Variants in LPXN observed in about 807,000 individuals in gnomAD.
LPXN encodes the protein leupaxin.
In LPXN, 28 loss-of-function variants were observed where a neutral mutation model predicts 45.6. The observed-to-expected ratio is 0.61, with a 90% CI of 0.45 to 0.84. The LOEUF is 0.84. LPXN is among the 40% of genes least tolerant of loss of function. The pLI is 0.00. For missense variants in LPXN, 459 were observed against 475.0 expected (o/e 0.97, Z 0.31); for synonymous variants, 166 against 169.9 (o/e 0.98, Z 0.18).
chr11:58,539,785 G>A (rs1241197913), intron 7 of LPXN, among the ~76,000 whole-genome samples: 1 of 152,004 alleles, frequency 6.6e-6, no homozygotes, highest in Admixed American at 6.6e-5. Flanking sequence ...CACCTTTCCT[G>A]TATGAGATAT....
At chr11:58,561,703 A>C (rs1854383535) in intron 3 of LPXN, among the ~76,000 whole-genome samples, 1 of 152,242 alleles carries the variant, frequency 6.6e-6, no homozygotes, top group South Asian at 2.1e-4. Context: ...ATTCCTAAAA[A>C]ACCTTCCAAT....
chr11:58,567,119 T>C (rs751492251), intron 2 of LPXN, among the ~76,000 whole-genome samples: 2 of 152,210 alleles, frequency 1.3e-5, no homozygotes, highest in Non-Finnish European at 2.9e-5. Context: ...ACAAATTTTG[T>C]GCACATTACA....
intron 3 of LPXN, among the ~76,000 whole-genome samples, chr11:58,562,466 ACT>A (rs1310724993): frequency 6.6e-6 from 1 of 151,942 alleles, no homozygotes; most frequent in Non-Finnish European, 1.5e-5. Context: ...ATTTTATGTC[ACT>A]CTCCCACAGA....
At chr11:58,527,825 A>T in intron 8 of LPXN, 102 bp from the exon 9 acceptor site, 1 of 1,239,412 alleles carries the variant, frequency 8.1e-7, no homozygotes, top group Non-Finnish European at 1.1e-6. Context: ...GTTACCTGCC[A>T]GCTACAGGAA....
intron 7 of LPXN, among the ~76,000 whole-genome samples, chr11:58,531,650 G>A (rs912754598): frequency 2.0e-5 from 3 of 152,204 alleles, no homozygotes; most frequent in Non-Finnish European, 2.9e-5. Context: ...TATTATCCAG[G>A]AGAACTTCCT....
chr11:58,559,711 A>G (rs765407032), intron 3 of LPXN, among the ~76,000 whole-genome samples: 13 of 152,118 alleles, frequency 8.5e-5, no homozygotes, highest in Non-Finnish European at 1.9e-4. Context: ...CTCCATCTCT[A>G]TGAAAATTTT....
intron 2 of LPXN, among the ~76,000 whole-genome samples, chr11:58,565,175 G>A (rs949900494): frequency 6.6e-6 from 1 of 152,156 alleles, no homozygotes; most frequent in Non-Finnish European, 1.5e-5. Flanking sequence ...GGTGGCTCAT[G>A]CCCGTAATCC....
At chr11:58,558,344 C>T (rs1854271216) in intron 3 of LPXN, among the ~76,000 whole-genome samples, 1 of 151,488 alleles carries the variant, frequency 6.6e-6, no homozygotes, top group African/African-American at 2.4e-5. Context: ...TTAAGACCAG[C>T]CTGGGCAACA....
At position 58,554,944 on chromosome 11, in the gene LPXN, T is replaced by C. The variant is rs781606856; in HGVS notation, c.219-4A>G. On this transcript the variant is annotated splice_polypyrimidine_tract_variant and splice_region_variant and intron_variant, in intron 3 of 8. Coordinates refer to ENST00000395074, the MANE Select transcript of LPXN (RefSeq NM_004811.3). ...TTCCTTTGGCTCTTGGGCTTCACTA[T>C]AGAGGGAAAACAAAAAAGTCATATG... The C allele has an allele frequency of 3.1e-6, 5 of 1,602,484 alleles. No individual in the cohort carries two copies. Among genetic ancestry groups the C allele is most frequent in the East Asian group, 2.2e-5 (1 of 44,812 alleles).
Position 58,569,205 on chromosome 11 carries a change from A to G in LPXN, c.171+1351T>C, listed in dbSNP as rs140481973. On this transcript the variant is annotated intron_variant, in intron 2 of 8. Transcript: ENST00000395074. Reference sequence around the variant, plus strand: ...AATCAAAATATCATAGTACAAAATTACCAGCTATGAAGAGCATCTACTTAA... The same window carrying G: ...AATCAAAATATCATAGTACAAAATTGCCAGCTATGAAGAGCATCTACTTAA... Among the ~76,000 whole-genome samples the G allele has an allele frequency of 4.8e-3, 731 of 152,330 alleles. 25 individuals are homozygous for G. Among genetic ancestry groups the G allele is most frequent in the Non-Finnish European group, 1.0e-3 (68 of 68,036 alleles).
intron 7 of LPXN, among the ~76,000 whole-genome samples, chr11:58,535,040 CA>C (rs576483395): frequency 1.3e-5 from 2 of 151,738 alleles, no homozygotes; most frequent in East Asian, 1.9e-4. Flanking sequence ...GCCTACCGAC[CA>C]AAAAAAAGTC....
chr11:58,527,625 A>G lies in LPXN; in HGVS notation c.990T>C (p.His330=). ...GGCCAGTGATGGGCTGCCCACACCC[A>G]TGGCAGAGCGTTCCCCGGCGGTGAT... The part of the protein sequence containing the change: ...HYHHRRGTLC[H]GCGQPITGRC... The change falls in exon 9 of 9, where the codon CAT becomes CAC. Residue 330 remains histidine, a synonymous_variant. Coordinates refer to ENST00000395074, the MANE Select transcript of LPXN (RefSeq NM_004811.3). 1 of 1,614,188 alleles carries G rather than the reference A, an allele frequency of 6.2e-7. No homozygotes were observed. Among genetic ancestry groups the G allele is most frequent in the Non-Finnish European group, 8.5e-7 (1 of 1,180,022 alleles).
chr11:58,568,461 C>T (rs768448503), intron 2 of LPXN, among the ~76,000 whole-genome samples: 3 of 151,790 alleles, frequency 2.0e-5, no homozygotes, highest in East Asian at 1.9e-4. Context: ...AAATTAGCTG[C>T]GCATGGTGGT....
chr11:58,541,396 T>C (rs1289572618), intron 7 of LPXN, among the ~76,000 whole-genome samples: 1 of 152,166 alleles, frequency 6.6e-6, no homozygotes, highest in Non-Finnish European at 1.5e-5. Context: ...AACAGACACT[T>C]CTCAAAAGAA....
upstream of LPXN, chr11:58,577,963 T>G: frequency 6.5e-7 from 1 of 1,545,152 alleles, no homozygotes; most frequent in South Asian, 1.2e-5. Context: ...AAGGACCCCA[T>G]GGAACCAGAT....
chr11:58,578,137 C>G, upstream of LPXN: 3 of 1,475,682 alleles, frequency 2.0e-6, no homozygotes, highest in Non-Finnish European at 1.8e-6. Flanking sequence ...GAAAGGTACG[C>G]CAACGCCCAG....
intron 7 of LPXN, among the ~76,000 whole-genome samples, chr11:58,541,803 A>G (rs1297960253): frequency 6.6e-6 from 1 of 151,932 alleles, no homozygotes; most frequent in African/African-American, 2.4e-5. Context: ...ATGTCCAACA[A>G]TGATAGACTG....
chr11:58,577,890 G>A (rs1854951943), upstream of LPXN: 1 of 1,090,338 alleles, frequency 9.2e-7, no homozygotes, highest in East Asian at 3.0e-5. Context: ...TTTATAATTC[G>A]TTTCACAGAT....
chr11:58,543,145 T>C (rs1179646986), intron 7 of LPXN, among the ~76,000 whole-genome samples: 1 of 152,148 alleles, frequency 6.6e-6, no homozygotes, highest in African/African-American at 2.4e-5. Context: ...GTTAGTTGGC[T>C]AGTTTGATTA....
Sources: allele counts gnomAD v4.1 joint callset (sites outside exome capture counted in the v4.1 genomes callset), GRCh38; gene constraint gnomAD v4.1.1; transcripts MANE v1.5; gene names NCBI Gene and HGNC (gene_info 2026-07-23, HGNC 2026-07-21).